FAM81A: variants seen among roughly 807,000 people sequenced by gnomAD.
FAM81A encodes family with sequence similarity 81 member A.
Under a neutral mutation model 46.7 loss-of-function variants are expected in FAM81A, and 19 were observed. That is an observed-to-expected ratio of 0.41 (90% CI 0.28 to 0.60). The LOEUF (loss-of-function observed/expected upper bound fraction) is 0.60, where lower values mean the gene tolerates loss of function less well. FAM81A is among the 20% of genes least tolerant of loss of function. The pLI is 0.34. For synonymous variants in FAM81A, 183 were observed against 152.9 expected, an observed-to-expected ratio of 1.20 and a Z score of -1.45; for missense variants, 377 against 453.5, an observed-to-expected ratio of 0.83 and a Z score of 1.53.
chr15:59,439,467 G>C (rs1712155583), intron 1 of FAM81A, among the ~76,000 whole-genome samples: 1 of 152,054 alleles, frequency 6.6e-6, no homozygotes, highest in South Asian at 2.1e-4. Flanking sequence ...TACTAAAAAG[G>C]ACACTTAGGC....
intron 6 of FAM81A, among the ~76,000 whole-genome samples, chr15:59,512,976 C>G (rs1300048216): frequency 6.6e-6 from 1 of 152,164 alleles, no homozygotes; most frequent in African/African-American, 2.4e-5. Flanking sequence ...TTGAGGGCTT[C>G]TTAATAAGGA....
At chr15:59,446,971 T>C (rs550239824) in intron 1 of FAM81A, among the ~76,000 whole-genome samples, 2 of 152,254 alleles carry the variant, frequency 1.3e-5, no homozygotes, top group African/African-American at 2.4e-5. Flanking sequence ...TTTGTTGTTA[T>C]TGTCATTCAC....
chr15:59,423,901 T>G (rs2081185150), intron 2 of FAM81A, among the ~76,000 whole-genome samples: 1 of 152,224 alleles, frequency 6.6e-6, no homozygotes, highest in Non-Finnish European at 1.5e-5. Context: ...GGTTAACATT[T>G]TCCATTTTTT....
At chr15:59,519,947 G>T (rs763411084) in intron 8 of FAM81A, among the ~76,000 whole-genome samples, 1 of 152,108 alleles carries the variant, frequency 6.6e-6, no homozygotes, top group Non-Finnish European at 1.5e-5. Flanking sequence ...TTGCTGGGTC[G>T]TATGGTAGTT....
chr15:59,468,232 T>G (rs917828756), intron 3 of FAM81A, among the ~76,000 whole-genome samples: 2 of 152,232 alleles, frequency 1.3e-5, no homozygotes, highest in Non-Finnish European at 2.9e-5. Context: ...TAAAGTGAGT[T>G]AGGGAGGATT....
chr15:59,487,754 C>T (rs867208090), intron 3 of FAM81A, among the ~76,000 whole-genome samples: 46 of 152,140 alleles, frequency 3.0e-4, no homozygotes, highest in Middle Eastern at 6.8e-3. Context: ...GAGATTGAAG[C>T]CATAATAAAA....
At chr15:59,512,497 A>AG (rs2082222501) in intron 6 of FAM81A, among the ~76,000 whole-genome samples, 3 of 149,330 alleles carry the variant, frequency 2.0e-5, no homozygotes. Context: ...AAAAAAAAAA[A>AG]GCAATGCTGA....
intron 1 of FAM81A, among the ~76,000 whole-genome samples, chr15:59,398,906 A>G (rs1596455531): frequency 6.6e-6 from 1 of 151,942 alleles, no homozygotes; most frequent in Admixed American, 6.6e-5. Context: ...ATGATGGCTC[A>G]CGCCTGTAAT....
intron 3 of FAM81A, among the ~76,000 whole-genome samples, chr15:59,490,175 T>C (rs983088619): frequency 1.1e-4 from 17 of 150,796 alleles, no homozygotes; most frequent in African/African-American, 3.4e-4. Context: ...AAGAAAACAT[T>C]GGATAAACTC....
intron 2 of FAM81A, among the ~76,000 whole-genome samples, chr15:59,403,013 C>T (rs181857304): frequency 7.3e-5 from 11 of 151,624 alleles, no homozygotes; most frequent in South Asian, 2.1e-4. Context: ...GGGTTATTGC[C>T]GATGTAGAGG....
intron 4 of FAM81A, among the ~76,000 whole-genome samples, chr15:59,503,564 A>G (rs1228428469): frequency 6.6e-6 from 1 of 151,726 alleles, no homozygotes; most frequent in Non-Finnish European, 1.5e-5. Flanking sequence ...ACTATAAGTC[A>G]ATGTATTTAG....
At chr15:59,482,204 A>G (rs1186719268) in intron 3 of FAM81A, among the ~76,000 whole-genome samples, 2 of 152,052 alleles carry the variant, frequency 1.3e-5, no homozygotes, top group African/African-American at 4.8e-5. Flanking sequence ...TTCATTGCTT[A>G]GAGATTGAAA....
At chr15:59,484,019 T>A (rs1361201424) in intron 3 of FAM81A, among the ~76,000 whole-genome samples, 2 of 152,164 alleles carry the variant, frequency 1.3e-5, no homozygotes, top group African/African-American at 4.8e-5. Flanking sequence ...TGCTTCCCAC[T>A]GGCTGCACCA....
chr15:59,420,164 A>G (rs1349515024), intron 2 of FAM81A, among the ~76,000 whole-genome samples: 1 of 152,218 alleles, frequency 6.6e-6, no homozygotes, highest in Non-Finnish European at 1.5e-5. Flanking sequence ...TGTTCCTGCT[A>G]GGAAATTACA....
chr15:59,486,200 GA>G (rs1218160759), intron 3 of FAM81A, among the ~76,000 whole-genome samples: 1 of 151,850 alleles, frequency 6.6e-6, no homozygotes, highest in Non-Finnish European at 1.5e-5. Flanking sequence ...GGAAAGAAAG[GA>G]AGGGAAATAA....
chr15:59,440,947 C>T (rs74764608), intron 1 of FAM81A, among the ~76,000 whole-genome samples: 6,216 of 152,268 alleles, frequency 0.041, 146 homozygotes, highest in African/African-American at 0.055. Context: ...GTCACAAAGA[C>T]CTTTGGACAG....
chr15:59,408,619 G>A (rs2081106942), intron 2 of FAM81A, among the ~76,000 whole-genome samples: 1 of 152,168 alleles, frequency 6.6e-6, no homozygotes, highest in Non-Finnish European at 1.5e-5. Context: ...ACGAGGTCAG[G>A]AGATAGAGAC....
At chr15:59,403,107 G>T (rs2081079268) in intron 2 of FAM81A, among the ~76,000 whole-genome samples, 1 of 152,056 alleles carries the variant, frequency 6.6e-6, no homozygotes, top group African/African-American at 2.4e-5. Flanking sequence ...TTTACCTCAT[G>T]CTCCATCAGA....
chr15:59,518,943 C>CTGTGTG lies in FAM81A; in HGVS notation c.982+2132_982+2137dup, dbSNP rs34494392. 2.5e-3 allele frequency among the ~76,000 whole-genome samples: 362 copies of CTGTGTG among 143,138 alleles called. 3 individuals carry two copies. The highest frequency in any genetic ancestry group is 0.017 in the South Asian group (74 of 4,398). The allele number at this position is 143,138 out of a possible 152,430, so 93.9% of individuals were successfully genotyped here. ...CTCACAGGTATTTGTGTGTGTGTGT[C>CTGTGTG]TGTGTGTGTGTGTGTGTGTGTGTGT... On this transcript the variant is annotated intron_variant, in intron 8 of 8. Transcript: ENST00000288228.
Sources: allele counts gnomAD v4.1 joint callset (sites outside exome capture counted in the v4.1 genomes callset), GRCh38; gene constraint gnomAD v4.1.1; transcripts MANE v1.5; gene names NCBI Gene and HGNC (gene_info 2026-07-23, HGNC 2026-07-21).